SAP30BP: variants seen among roughly 807,000 people sequenced by gnomAD.
SAP30BP encodes SAP30 binding protein, also known as SAP30-binding protein.
A neutral mutation model predicts 46.3 loss-of-function variants in SAP30BP; 31 were observed. That is an observed-to-expected ratio of 0.67 (90% CI 0.50 to 0.90). SAP30BP has a LOEUF of 0.90. SAP30BP is among the 40% of genes least tolerant of loss of function. The probability of loss-of-function intolerance (pLI) is 0.00; values close to 1 mark genes in which losing one functional copy is unlikely to be tolerated. For missense variants in SAP30BP, 312 were observed against 391.0 expected (o/e 0.80, Z 1.70); for synonymous variants, 169 against 144.2 (o/e 1.17, Z -1.23).
chr17:75,699,883 A>G lies in SAP30BP; in HGVS notation c.396+12A>G. ...CAAATCACTTGCAAGTAAGCATGAG[A>G]CTCGGCTACTGAGGTCGGATAGATT... is the stretch of plus-strand genomic sequence containing the variant. On this transcript the variant is annotated intron_variant, in intron 5 of 10. Coordinates refer to ENST00000584667, the MANE Select transcript of SAP30BP (RefSeq NM_013260.8). The G allele has an allele frequency of 1.3e-6, 2 of 1,594,490 alleles. No homozygotes were observed. The highest frequency in any genetic ancestry group is 1.7e-6 in the Non-Finnish European group (2 of 1,162,736).
intron 3 of SAP30BP, among the ~76,000 whole-genome samples, chr17:75,677,105 A>AG (rs2060002018): frequency 8.5e-6 from 1 of 117,666 alleles, no homozygotes; most frequent in Non-Finnish European, 1.8e-5. Flanking sequence ...CTGGCAGAAA[A>AG]CTTTTTTTTT....
intron 2 of SAP30BP, among the ~76,000 whole-genome samples, chr17:75,669,616 T>C (rs1012758369): frequency 2.0e-5 from 3 of 152,106 alleles, no homozygotes; most frequent in Middle Eastern, 3.4e-3. Context: ...GTTTCAAACT[T>C]CTGGCCTCAA....
chr17:75,677,467 C>G (rs1355471265), intron 3 of SAP30BP, among the ~76,000 whole-genome samples: 2 of 142,848 alleles, frequency 1.4e-5, no homozygotes, highest in African/African-American at 5.2e-5. Flanking sequence ...AAGTCTCGCT[C>G]TGTCACCCAG....
chr17:75,696,361 C>T (rs1321652552), intron 4 of SAP30BP, among the ~76,000 whole-genome samples: 1 of 144,692 alleles, frequency 6.9e-6, no homozygotes, highest in African/African-American at 2.6e-5. Flanking sequence ...GGTGAAACCC[C>T]ATTTCTACTA....
At chr17:75,686,834 A>T (rs950521800) in intron 3 of SAP30BP, among the ~76,000 whole-genome samples, 1 of 152,176 alleles carries the variant, frequency 6.6e-6, no homozygotes, top group Admixed American at 6.5e-5. Context: ...TTGGGTTTGG[A>T]GGCTTTGCTG....
intron 5 of SAP30BP, among the ~76,000 whole-genome samples, chr17:75,702,227 T>C (rs1334899383): frequency 6.6e-6 from 1 of 152,182 alleles, no homozygotes; most frequent in Non-Finnish European, 1.5e-5. Context: ...GGTTTCAACA[T>C]GTGGGCCAGG....
intron 1 of SAP30BP, 120 bp from the exon 2 acceptor site, chr17:75,668,396 C>T: frequency 5.1e-6 from 3 of 584,588 alleles, no homozygotes; most frequent in Admixed American, 7.8e-5. Flanking sequence ...GATTTAGGTT[C>T]CCTTTGTATC....
intron 8 of SAP30BP, among the ~76,000 whole-genome samples, chr17:75,704,319 C>T (rs2060461105): frequency 6.6e-6 from 1 of 152,230 alleles, no homozygotes; most frequent in African/African-American, 2.4e-5. Context: ...GGCCCAAACC[C>T]CTAGACCATA....
At chr17:75,674,802 A>G (rs1378362049) in intron 3 of SAP30BP, among the ~76,000 whole-genome samples, 12 of 144,414 alleles carry the variant, frequency 8.3e-5, no homozygotes, top group Non-Finnish European at 1.8e-4. Flanking sequence ...CCCTGGCTCA[A>G]TTAATCCTCC....
chr17:75,699,197 T>C (rs2060367918), intron 4 of SAP30BP, among the ~76,000 whole-genome samples: 1 of 152,080 alleles, frequency 6.6e-6, no homozygotes, highest in Non-Finnish European at 1.5e-5. Context: ...TTTATTTCAT[T>C]TTATGTATTT....
intron 4 of SAP30BP, among the ~76,000 whole-genome samples, chr17:75,699,258 T>C (rs1837573300): frequency 6.6e-6 from 1 of 152,162 alleles, no homozygotes; most frequent in Non-Finnish European, 1.5e-5. Context: ...GGCTGGAGTA[T>C]AGTGGCGTGA....
chr17:75,671,740 C>T lies in SAP30BP; in HGVS notation c.217-76C>T, dbSNP rs370997884. On this transcript the variant is annotated intron_variant, in intron 2 of 10. Transcript: ENST00000584667. Reference sequence around the variant, plus strand: ...AGCTGGGTAAATGGGCTGTTTGCTCCGGCCCCTAGTTATGCATGTGAGACT... The same window carrying T: ...AGCTGGGTAAATGGGCTGTTTGCTCTGGCCCCTAGTTATGCATGTGAGACT... 38 of 1,143,448 alleles carry T rather than the reference C, an allele frequency of 3.3e-5. No individual in the cohort carries two copies. The Middle Eastern group carries it at 5.8e-4, about 18-fold the overall frequency. 70.8% of individuals were successfully genotyped at this position (1,143,448 alleles called of 1,614,324 possible). A position where few individuals can be genotyped will look rare whatever the true frequency, so the allele number is the denominator to read the frequency against.
At chr17:75,687,741 A>G (rs1029924663) in intron 3 of SAP30BP, among the ~76,000 whole-genome samples, 1 of 152,030 alleles carries the variant, frequency 6.6e-6, no homozygotes, top group Admixed American at 6.6e-5. Context: ...CTTTTATTGC[A>G]AGCCTAGCCC....
At chr17:75,667,698 G>C (rs820155) in intron 1 of SAP30BP, among the ~76,000 whole-genome samples, 49,914 of 152,128 alleles carry the variant, frequency 0.33, 8,548 homozygotes, top group East Asian at 0.54. Context: ...CTTACTGAAA[G>C]ACTCCGTGCC....
chr17:75,670,616 A>C (rs774535335), intron 2 of SAP30BP, among the ~76,000 whole-genome samples: 11 of 152,248 alleles, frequency 7.2e-5, no homozygotes, highest in Non-Finnish European at 1.6e-4. Flanking sequence ...TTCATATTTT[A>C]GTAAAATCCT....
chr17:75,698,989 C>T (rs1263473402), intron 4 of SAP30BP, among the ~76,000 whole-genome samples: 1 of 152,112 alleles, frequency 6.6e-6, no homozygotes, highest in Admixed American at 6.5e-5. Context: ...TCCAACAGTT[C>T]AAGACCAGCC....
intron 3 of SAP30BP, among the ~76,000 whole-genome samples, chr17:75,685,845 C>T (rs182220296): frequency 1.6e-4 from 25 of 152,304 alleles, no homozygotes; most frequent in South Asian, 4.1e-4. Flanking sequence ...CCTAGATACA[C>T]CCGTTCCTGA....
chr17:75,694,754 C>T (rs569133259), intron 4 of SAP30BP, among the ~76,000 whole-genome samples: 10 of 152,372 alleles, frequency 6.6e-5, no homozygotes, highest in Non-Finnish European at 1.2e-4. Context: ...CAGCCTGTCA[C>T]GTGCCAACGC....
intron 3 of SAP30BP, chr17:75,684,674 A>G (rs1189127882): frequency 6.6e-6 from 1 of 152,234 alleles, no homozygotes; most frequent in Admixed American, 6.5e-5. Flanking sequence ...GCTGGGAGAC[A>G]TGGAATTTCC....
Sources: gnomAD v4.1 joint callset for allele counts (sites outside exome capture counted in the v4.1 genomes callset) on GRCh38, gnomAD v4.1.1 for gene constraint, MANE v1.5 for transcripts, NCBI Gene and HGNC (gene_info 2026-07-23, HGNC 2026-07-21) for gene names.